UMODL1: variants seen among roughly 807,000 people sequenced by gnomAD.
UMODL1 encodes the protein uromodulin like 1.
In UMODL1, 128 loss-of-function variants were observed where a neutral mutation model predicts 136.3. The observed-to-expected ratio is 0.94, with a 90% CI of 0.81 to 1.09. UMODL1 has a LOEUF of 1.09. UMODL1 is among the 50% of genes least tolerant of loss of function. The pLI is 0.00. For synonymous variants in UMODL1, 721 were observed against 720.0 expected (o/e 1.00, Z -0.02); for missense variants, 1,766 against 1,725.6 (o/e 1.02, Z -0.41).
At chr21:42,137,927 C>T (rs182100277) in intron 22 of UMODL1, among the ~76,000 whole-genome samples, 33 of 151,928 alleles carry the variant, frequency 2.2e-4, no homozygotes, top group Middle Eastern at 3.4e-3. Flanking sequence ...TGGCCCTTTA[C>T]GGAGCGTGCA....
Position 42,122,373 on chromosome 21 carries a change from C to T in UMODL1, c.2828-458C>T, listed in dbSNP as rs1256463769. On this transcript the variant is annotated intron_variant, in intron 16 of 22. Transcript: ENST00000408910. This position sits in a 1 kb window ranked among gnomAD's most constrained non-coding sequence, Gnocchi z 4.3. The stretch of plus-strand genomic sequence containing the variant: ...TGGGCACAAGGACCTCAAGAGGAGG[C>T]ATCATTACCCCATCTTAGAGAATAG... Among the ~76,000 whole-genome samples, 4 of 152,150 alleles carry T rather than the reference C, an allele frequency of 2.6e-5. No homozygotes were observed. The highest frequency in any genetic ancestry group is 4.4e-5 in the Non-Finnish European group (3 of 68,022).
At position 42,137,440 on chromosome 21, in the gene UMODL1, T is replaced by C. The variant is rs1223053475; in HGVS notation, c.3777T>C (p.Gly1259=). The C allele has an allele frequency of 1.9e-6, 3 of 1,614,034 alleles. No homozygotes were observed. The highest frequency in any genetic ancestry group is 2.7e-5 in the African/African-American group (2 of 74,954). ...MSWGPLIRSE[G]EPPHAEAGLG... ...ACCTGTGCCTGTCTCCTCCCCGAGG[T>C]GAGCCTCCTCATGCAGAAGCAGGCC... Residue 1259 remains glycine, a splice_region_variant and synonymous_variant, in exon 22 of 23, where the codon GGT becomes GGC. Transcript: ENST00000408910.
intron 10 of UMODL1, 97 bp from the exon 11 acceptor site, chr21:42,110,783 C>T: frequency 1.6e-6 from 2 of 1,228,596 alleles, no homozygotes; most frequent in South Asian, 1.5e-5. Flanking sequence ...CTCCGGGATG[C>T]AGAGCAGTCC....
In UMODL1 at chr21:42,111,049, C is replaced by T. The variant is rs771035423; in HGVS notation, c.1827C>T (p.Pro609=). ...PAAGQAWTPE[P]SPRRGGSNVV... ...CAGGCCAGGCCTGGACCCCAGAGCC[C>T]TCACCCAGAAGAGGGGGCAGCAATG... Residue 609 remains proline, a synonymous_variant, in exon 11 of 23, where the codon CCC becomes CCT. Coordinates refer to ENST00000408910, the MANE Select transcript of UMODL1 (RefSeq NM_001004416.3). 2 of 1,613,434 alleles carry T rather than the reference C, an allele frequency of 1.2e-6. No individual in the cohort carries two copies. The highest frequency in any genetic ancestry group is 1.7e-6 in the Non-Finnish European group (2 of 1,179,858).
chr21:42,076,078 C>G lies in UMODL1; in HGVS notation c.150C>G (p.Ala50=), dbSNP rs374747134. ...RVTHTVQKVE[A]VQTSYTSYVS... ...CCCACACTGTACAGAAGGTGGAGGC[C>G]GTGCAGACGTCCTACACGTCCTATG... The change falls in exon 2 of 23, where the codon GCC becomes GCG. Residue 50 remains alanine (A), a synonymous_variant. Transcript: ENST00000408910. 6.2e-7 allele frequency: 1 copy of G among 1,614,258 alleles called. No individual in the cohort carries two copies.
rs552008461 is a variant in UMODL1, at chr21:42,077,586, G to A, written c.319+1339G>A. 9.2e-5 allele frequency among the ~76,000 whole-genome samples: 14 copies of A among 152,372 alleles called. No individual in the cohort carries two copies. In the South Asian group the frequency reaches 1.7e-3, roughly 18 times the overall value. On this transcript the variant is annotated intron_variant, in intron 2 of 22. Coordinates refer to ENST00000408910, the MANE Select transcript of UMODL1 (RefSeq NM_001004416.3). ...AGGTGATAGACACGAGGCTTTGGGCGTTATCAATCAGACGAATTCCTGGGA... is the reference window on the plus strand; with the variant it reads ...AGGTGATAGACACGAGGCTTTGGGCATTATCAATCAGACGAATTCCTGGGA...
chr21:42,067,736 C>T (rs554132485), upstream of UMODL1, among the ~76,000 whole-genome samples: 2 of 152,342 alleles, frequency 1.3e-5, no homozygotes, highest in East Asian at 1.9e-4. Flanking sequence ...CTTCGCCTTC[C>T]GATCTGCTCT....
intron 6 of UMODL1, among the ~76,000 whole-genome samples, chr21:42,095,610 C>T (rs2066548707): frequency 6.6e-6 from 1 of 152,150 alleles, no homozygotes; most frequent in African/African-American, 2.4e-5. Flanking sequence ...ATTCCTTTTC[C>T]AAATAAGGTC....
intron 17 of UMODL1, among the ~76,000 whole-genome samples, chr21:42,125,491 C>A (rs1260122807): frequency 3.3e-5 from 5 of 152,200 alleles, no homozygotes; most frequent in African/African-American, 1.2e-4. Context: ...GAAGGAGTAA[C>A]CTGCACTGTT....
In UMODL1 at chr21:42,113,651, C is replaced by G. The variant is rs2066866020; in HGVS notation, c.2183C>G (p.Ala728Gly). ...GFHLAWEADL[A>G]MDSTFQLTLT... is the part of the protein sequence containing the mutation. ...CACCTGGCATGGGAGGCGGATCTTG[C>G]TATGGACTCCACCTTCCAGCTCACT... The change falls in exon 13 of 23, where the codon GCT (alanine) becomes GGT (glycine). Residue 728 changes from alanine to glycine, a missense_variant. Coordinates refer to ENST00000408910, the MANE Select transcript of UMODL1 (RefSeq NM_001004416.3). 1 of 1,614,108 alleles carries G rather than the reference C, an allele frequency of 6.2e-7. No individual in the cohort carries two copies. Among genetic ancestry groups the G allele is most frequent in the African/African-American group, 1.3e-5 (1 of 75,054 alleles).
At chr21:42,107,260 G>C (rs1265936495) in intron 9 of UMODL1, among the ~76,000 whole-genome samples, 1 of 152,178 alleles carries the variant, frequency 6.6e-6, no homozygotes, top group African/African-American at 2.4e-5. Context: ...CCTCTGCACC[G>C]ACCTTAGCCA....
rs1023491837 is a variant in UMODL1 at position 42,085,948 on chromosome 21, G to A, written c.603+536G>A. 3.3e-5 allele frequency among the ~76,000 whole-genome samples: 5 copies of A among 152,194 alleles called. No individual in the cohort carries two copies. The highest frequency in any genetic ancestry group is 2.0e-4 in the Admixed American group (3 of 15,282). ...GTGGCATCCAAAACTGTCTCCAGACGTCGCCCACTGTCCCCTGGGGATAAA... is the reference window on the plus strand; with the variant it reads ...GTGGCATCCAAAACTGTCTCCAGACATCGCCCACTGTCCCCTGGGGATAAA... On this transcript the variant is annotated intron_variant, in intron 4 of 22. Transcript: ENST00000408910. The surrounding 1 kb of genome is among the most constrained non-coding windows in gnomAD (Gnocchi z 4.5).
chr21:42,136,721 T>TG (rs1229419248), intron 21 of UMODL1, among the ~76,000 whole-genome samples: 1 of 130,984 alleles, frequency 7.6e-6, no homozygotes, highest in East Asian at 2.7e-4. Flanking sequence ...CTGTTTTTCT[T>TG]TTTTTTTGTT....
intron 10 of UMODL1, 44 bp downstream of exon 10, chr21:42,109,743 C>A: frequency 6.3e-7 from 1 of 1,589,730 alleles, no homozygotes; most frequent in South Asian, 1.1e-5. Flanking sequence ...ACCCCCTGCC[C>A]GAGAATCTGG....
intron 12 of UMODL1, among the ~76,000 whole-genome samples, chr21:42,112,252 A>AC (rs1271427184): frequency 6.6e-6 from 1 of 150,566 alleles, no homozygotes; most frequent in Non-Finnish European, 1.5e-5. Context: ...GCTTTTCTGC[A>AC]CCCCCGGCTC....
intron 17 of UMODL1, among the ~76,000 whole-genome samples, chr21:42,124,355 T>C (rs569580358): frequency 1.3e-5 from 2 of 152,066 alleles, no homozygotes; most frequent in Non-Finnish European, 2.9e-5. Flanking sequence ...AGGGAGCCCG[T>C]GCCGGCTCTG....
Position 42,111,624 on chromosome 21 carries a change from G to C in UMODL1, c.2018G>C (p.Trp673Ser), listed in dbSNP as rs749254379. ...CGGGAAACACTTCTGAATCCCACGT[G>C]GCTGCGAAATGAGGACAGTGGACCC... ...STRETLLNPTWLRNEDSGPSG... is the reference protein window; with the variant it reads ...STRETLLNPTSLRNEDSGPSG... Residue 673 changes from tryptophan (W) to serine (S), a missense_variant, in exon 12 of 23, where the codon TGG (tryptophan) becomes TCG (serine). Trp to Ser is a radical substitution (Grantham distance 177, BLOSUM62 -3). Transcript: ENST00000408910. The C allele has an allele frequency of 1.2e-6, 2 of 1,614,128 alleles. No homozygotes were observed. The highest frequency in any genetic ancestry group is 4.5e-5 in the East Asian group (2 of 44,886).
Position 42,102,260 on chromosome 21 carries a change from T to C in UMODL1, c.1281T>C (p.Ser427=). 2 of 1,612,408 alleles carry C rather than the reference T, an allele frequency of 1.2e-6. No individual in the cohort carries two copies. The highest frequency in any genetic ancestry group is 2.2e-5 in the South Asian group (2 of 90,872). ...NRSSVEYQDF[S]RQLLHEVESS... is the part of the protein sequence containing the mutation. ...GCAGTGTGGAGTACCAGGACTTTTC[T>C]AGACAACTGCTTCACGAGGTAAAGC... The change falls in exon 8 of 23, where the codon TCT becomes TCC. Residue 427 remains serine (S), a synonymous_variant. Transcript: ENST00000408910.
intron 6 of UMODL1, among the ~76,000 whole-genome samples, chr21:42,096,152 A>G (rs1214074563): frequency 6.6e-6 from 1 of 152,226 alleles, no homozygotes; most frequent in Non-Finnish European, 1.5e-5. Flanking sequence ...TTGGTCAAAC[A>G]TGGTCAAATA....
Sources: allele counts gnomAD v4.1 joint callset (sites outside exome capture counted in the v4.1 genomes callset), GRCh38; gene constraint gnomAD v4.1.1; non-coding constraint Gnocchi (gnomAD v3.1); transcripts MANE v1.5; gene names NCBI Gene and HGNC (gene_info 2026-07-23, HGNC 2026-07-21).